Variants in NPSR1 observed in about 807,000 individuals in gnomAD.
NPSR1 encodes neuropeptide S receptor 1.
NPSR1 carries 48 observed loss-of-function variants against 46.9 expected under a neutral mutation model. That is an observed-to-expected ratio of 1.02 (90% CI 0.81 to 1.30). NPSR1 has a LOEUF of 1.30. Ranked by LOEUF, NPSR1 falls within the 50% of genes most tolerant of loss-of-function variation. The pLI is 0.00. For missense variants in NPSR1, 450 were observed against 449.5 expected (o/e 1.00, Z -0.01); for synonymous variants, 176 against 168.1 (o/e 1.05, Z -0.36).
At chr7:34,865,326 C>T (rs1470954542) in intron 8 of NPSR1, among the ~76,000 whole-genome samples, 1 of 151,838 alleles carries the variant, frequency 6.6e-6, no homozygotes, top group Non-Finnish European at 1.5e-5. Context: ...GACAGGTTTT[C>T]CTGTGGCAGG....
At chr7:34,860,360 G>A (rs1791159656) in intron 8 of NPSR1, among the ~76,000 whole-genome samples, 1 of 151,420 alleles carries the variant, frequency 6.6e-6, no homozygotes, top group Admixed American at 6.6e-5. Context: ...ATATTTACAT[G>A]GATATTTATA....
intron 2 of NPSR1, among the ~76,000 whole-genome samples, chr7:34,721,924 T>C (rs1783878196): frequency 1.3e-5 from 2 of 152,152 alleles, no homozygotes; most frequent in South Asian, 4.1e-4. Context: ...GCATAATTGG[T>C]ACAATGTAGC....
intron 2 of NPSR1, among the ~76,000 whole-genome samples, chr7:34,688,346 T>C (rs1357028294): frequency 1.3e-5 from 2 of 152,160 alleles, no homozygotes; most frequent in East Asian, 1.9e-4. Context: ...GAAAAATAGA[T>C]AACGAAGAGT....
At chr7:34,862,096 A>T (rs1215416749) in intron 8 of NPSR1, among the ~76,000 whole-genome samples, 6 of 151,752 alleles carry the variant, frequency 4.0e-5, no homozygotes, top group Admixed American at 3.9e-4. Context: ...CCACCCTTTT[A>T]TTCACTTCTC....
At chr7:34,681,121 C>G (rs1161519627) in intron 1 of NPSR1, among the ~76,000 whole-genome samples, 11 of 152,090 alleles carry the variant, frequency 7.2e-5, no homozygotes, top group Admixed American at 7.2e-4. Context: ...CTTTGGGACC[C>G]TTTCAGCTCT....
At position 34,658,512 on chromosome 7, in the gene NPSR1, G is replaced by A; in HGVS notation, c.100G>A (p.Glu34Lys). 6.2e-7 allele frequency: 1 copy of A among 1,614,174 alleles called. No homozygotes were observed. Among genetic ancestry groups the A allele is most frequent in the African/African-American group, 1.3e-5 (1 of 75,050 alleles). ...VACTETVTFT[E>K]VVEGKEWGSF... Reference sequence around the variant, plus strand: ...TTGCACTGAAACAGTGACTTTTACTGAAGTGGTGGAAGGAAAGGAATGGGG... The same window carrying A: ...TTGCACTGAAACAGTGACTTTTACTAAAGTGGTGGAAGGAAAGGAATGGGG... Residue 34 changes from glutamate (E) to lysine (K), a missense_variant, in exon 1 of 9, where the codon GAA (glutamate) becomes AAA (lysine). Physicochemically the swap from Glu to Lys is moderately conservative, Grantham distance 56. Coordinates refer to ENST00000360581, the MANE Select transcript of NPSR1 (RefSeq NM_207172.2).
Position 34,665,063 on chromosome 7 carries a change from G to C in NPSR1, c.147+6504G>C, listed in dbSNP as rs375768334. On this transcript the variant is annotated intron_variant, in intron 1 of 8. Transcript: ENST00000360581. ...TTCTTTGAGCAGATATGAAACTAAA[G>C]TCTGAGGGAAGTTAAAGGTGTAAAC... 5.3e-5 allele frequency among the ~76,000 whole-genome samples: 8 copies of C among 152,274 alleles called. No homozygotes were observed. The East Asian group carries it at 1.5e-3, about 29-fold the overall frequency.
chr7:34,865,372 A>C (rs1791287328), intron 8 of NPSR1, among the ~76,000 whole-genome samples: 1 of 151,668 alleles, frequency 6.6e-6, no homozygotes, highest in African/African-American at 2.4e-5. Flanking sequence ...GACGCGGAAG[A>C]AACTTCTGAC....
At chr7:34,662,812 C>G (rs186487558) in intron 1 of NPSR1, among the ~76,000 whole-genome samples, 1 of 152,240 alleles carries the variant, frequency 6.6e-6, no homozygotes, top group Non-Finnish European at 1.5e-5. Context: ...ATGAGAAAGG[C>G]TGAGGATGGC....
intron 2 of NPSR1, among the ~76,000 whole-genome samples, chr7:34,773,993 A>C (rs1257535538): frequency 6.6e-6 from 1 of 152,170 alleles, no homozygotes; most frequent in East Asian, 1.9e-4. Flanking sequence ...AGTCCCTTTC[A>C]TTCAGGTCCC....
chr7:34,796,388 A>C (rs906215305), intron 3 of NPSR1, among the ~76,000 whole-genome samples: 1 of 152,172 alleles, frequency 6.6e-6, no homozygotes, highest in African/African-American at 2.4e-5. Context: ...GCAAATGAGA[A>C]GCAAACCACA....
chr7:34,848,245 G>A (rs1790809631), intron 7 of NPSR1, among the ~76,000 whole-genome samples: 1 of 152,192 alleles, frequency 6.6e-6, no homozygotes, highest in African/African-American at 2.4e-5. Flanking sequence ...TTTACAGATA[G>A]AGAAGCTCTA....
At position 34,684,548 on chromosome 7, in the gene NPSR1, G is replaced by C. The variant is rs776566156; in HGVS notation, c.148-4G>C. 1 of 1,612,486 alleles carries C rather than the reference G, an allele frequency of 6.2e-7. No individual in the cohort carries two copies. The highest frequency in any genetic ancestry group is 1.1e-5 in the South Asian group (1 of 90,780). ...CTGGTTTTATTTTTCTCTGTTTCTT[G>C]CAGACTGAGCAATTGATAACTCTGT... is the stretch of plus-strand genomic sequence containing the variant. On this transcript the variant is annotated splice_region_variant and splice_polypyrimidine_tract_variant and intron_variant, in intron 1 of 8. Transcript: ENST00000360581.
chr7:34,684,665 GA>G lies in NPSR1; in HGVS notation c.262del (p.Thr88LeufsTer16). 6.2e-7 allele frequency: 1 copy of G among 1,612,312 alleles called. No individual in the cohort carries two copies. Among genetic ancestry groups the G allele is most frequent in the Non-Finnish European group, 8.5e-7 (1 of 1,179,302 alleles). ...AGAAGTCAAGAATGACCTTCTTTGT[GA>G]CTCAGCTGGCCATCACAGGTAAGTA... ...KKKSRMTFFV[T>X]QLAITDSFTG... On this transcript the variant is annotated frameshift_variant, in exon 2 of 9. Transcript: ENST00000360581. LOFTEE classifies it high-confidence loss of function.
chr7:34,787,900 CAAT>C (rs1335893086), intron 3 of NPSR1, among the ~76,000 whole-genome samples: 9 of 151,868 alleles, frequency 5.9e-5, no homozygotes, highest in African/African-American at 1.9e-4. Flanking sequence ...GTAATAATAA[CAAT>C]AATGAAAAAG....
At chr7:34,779,419 T>C (rs1042479441) in intron 3 of NPSR1, 2 of 308,030 alleles carry the variant, frequency 6.5e-6, no homozygotes, top group Non-Finnish European at 1.2e-5. Flanking sequence ...TTTATGTATA[T>C]ATAATGCATT....
chr7:34,756,747 G>C (rs991318595), intron 2 of NPSR1, among the ~76,000 whole-genome samples: 15 of 152,146 alleles, frequency 9.9e-5, no homozygotes, highest in African/African-American at 3.6e-4. Context: ...AAAGTCTAGC[G>C]ACCTGAATTC....
At chr7:34,667,352 G>C (rs1437223116) in intron 1 of NPSR1, among the ~76,000 whole-genome samples, 3 of 152,310 alleles carry the variant, frequency 2.0e-5, no homozygotes, top group South Asian at 2.1e-4. Context: ...CAGGAGAAAG[G>C]GGGGTAGTCA....
intron 6 of NPSR1, among the ~76,000 whole-genome samples, chr7:34,842,897 T>G (rs1009303855): frequency 5.3e-5 from 8 of 152,326 alleles, no homozygotes; most frequent in African/African-American, 1.9e-4. Context: ...TCCTCCACTC[T>G]CCACGCATTT....
Sources: allele counts gnomAD v4.1 joint callset (sites outside exome capture counted in the v4.1 genomes callset), GRCh38; gene constraint gnomAD v4.1.1; transcripts MANE v1.5; gene names NCBI Gene and HGNC (gene_info 2026-07-23, HGNC 2026-07-21).